The following DENND1C variants were observed in gnomAD, a reference collection of about 807,000 sequenced individuals.
The protein encoded by DENND1C is DENN domain containing 1C, also known as DENN domain-containing protein 1C.
Under a neutral mutation model 87.9 loss-of-function variants are expected in DENND1C, and 64 were observed. The ratio of observed to expected loss-of-function variants is 0.73; its 90% CI spans 0.60 to 0.90. The LOEUF is 0.90. Ranked by LOEUF, DENND1C falls within the 40% of genes least tolerant of loss-of-function variation. DENND1C has a pLI of 0.00. For synonymous variants in DENND1C, 384 were observed against 424.4 expected, an observed-to-expected ratio of 0.90 and a Z score of 1.17; for missense variants, 980 against 1,037.0, an observed-to-expected ratio of 0.95 and a Z score of 0.76.
chr19:6,474,213 AAAG>A (rs375154421), intron 14 of DENND1C, among the ~76,000 whole-genome samples: 40 of 145,556 alleles, frequency 2.7e-4, no homozygotes, highest in Admixed American at 1.7e-3. Context: ...AAAAAAAAAA[AAAG>A]AAGAAGAAGA....
chr19:6,474,213 A>AG (rs1272723474), intron 14 of DENND1C, among the ~76,000 whole-genome samples: 10,396 of 145,280 alleles, frequency 0.072, 523 homozygotes, highest in Non-Finnish European at 0.11. Flanking sequence ...AAAAAAAAAA[A>AG]AAGAAGAAGA....
rs779845939 is a variant in DENND1C, at chr19:6,468,614, T to C, written c.1547A>G (p.Gln516Arg). The C allele has an allele frequency of 2.7e-6, 4 of 1,506,614 alleles. No individual in the cohort carries two copies. Among genetic ancestry groups the C allele is most frequent in the East Asian group, 2.4e-5 (1 of 42,028 alleles). The allele number at this position is 1,506,614 out of a possible 1,614,324, so 93.3% of individuals were successfully genotyped here. ...GGGCTCGGAAGTTCCCTCTTCCAGCTGGCGTCTCCTGCTGGGGCGAAGGGG... is the reference window on the plus strand; with the variant it reads ...GGGCTCGGAAGTTCCCTCTTCCAGCCGGCGTCTCCTGCTGGGGCGAAGGGG... ...NRPLRPSRRR[Q>R]LEEGTSEPPG... Residue 516 changes from glutamine to arginine, a missense_variant, in exon 21 of 23, where the codon CAG becomes CGG. Coordinates refer to ENST00000381480, the MANE Select transcript of DENND1C (RefSeq NM_024898.4).
rs77801271 is a variant in DENND1C, at chr19:6,470,276, C to G, written c.1362+19G>C. On this transcript the variant is annotated intron_variant, in intron 18 of 22. Coordinates refer to ENST00000381480, the MANE Select transcript of DENND1C (RefSeq NM_024898.4). ...CCCTCGTCACCCCAGCAAGAGTGGCCTGTCCAGCTCAGCCTCACCGAGCGG... is the reference window on the plus strand; with the variant it reads ...CCCTCGTCACCCCAGCAAGAGTGGCGTGTCCAGCTCAGCCTCACCGAGCGG... 4.4e-6 allele frequency: 7 copies of G among 1,598,386 alleles called. No homozygotes were observed. In the South Asian group the frequency reaches 6.8e-5, roughly 16 times the overall value.
At chr19:6,477,744 C>T (rs1485713067) in intron 6 of DENND1C, among the ~76,000 whole-genome samples, 1 of 146,750 alleles carries the variant, frequency 6.8e-6, no homozygotes, top group Non-Finnish European at 1.5e-5. Context: ...CCACCGCGCC[C>T]GGCTTTTTAA....
Position 6,468,214 on chromosome 19 carries a change from G to A in DENND1C, c.1791+20C>T, listed in dbSNP as rs1305707443. 2 of 1,613,022 alleles carry A rather than the reference G, an allele frequency of 1.2e-6. No homozygotes were observed. Among genetic ancestry groups the A allele is most frequent in the Admixed American group, 1.7e-5 (1 of 59,814 alleles). On this transcript the variant is annotated intron_variant, in intron 22 of 22. Coordinates refer to ENST00000381480, the MANE Select transcript of DENND1C (RefSeq NM_024898.4). ...GGGGAAGACTTGGGGTAGGGTTGGGGGAGTGGGCGAGGCTCTCACCAGGCT... is the reference window on the plus strand; with the variant it reads ...GGGGAAGACTTGGGGTAGGGTTGGGAGAGTGGGCGAGGCTCTCACCAGGCT...
At chr19:6,472,746 G>T in intron 15 of DENND1C, 143 bp downstream of exon 15, 1 of 572,760 alleles carries the variant, frequency 1.7e-6, no homozygotes, top group Non-Finnish European at 2.6e-6. Context: ...GGGAACCCTG[G>T]AGTAGGGGAT....
At chr19:6,472,754 G>T in intron 15 of DENND1C, 135 bp downstream of exon 15, 1 of 606,842 alleles carries the variant, frequency 1.6e-6, no homozygotes, top group Non-Finnish European at 2.4e-6. Context: ...TGGAGTAGGG[G>T]ATCCTGCTGG....
At position 6,467,747 on chromosome 19, in the gene DENND1C, G is replaced by A. The variant is rs781166176; in HGVS notation, c.2163C>T (p.Pro721=). The A allele has an allele frequency of 2.6e-6, 4 of 1,521,098 alleles. No individual in the cohort carries two copies. Among genetic ancestry groups the A allele is most frequent in the Non-Finnish European group, 3.5e-6 (4 of 1,137,384 alleles). 94.2% of individuals were successfully genotyped at this position (1,521,098 alleles called of 1,614,324 possible). The change falls in exon 23 of 23, where the codon CCC becomes CCT. Residue 721 remains proline, a synonymous_variant. Transcript: ENST00000381480. ...SPPESPQILA[P]TKPNFDIAWT... ...AGGCTATATCAAAGTTGGGCTTTGT[G>A]GGGGCCAGAATTTGGGGGCTTTCTG...
Position 6,467,698 on chromosome 19 carries a change from A to C in DENND1C, c.2212T>G (p.Ser738Ala). The change falls in exon 23 of 23, where the codon TCC becomes GCC. Residue 738 changes from serine to alanine, a missense_variant. Coordinates refer to ENST00000381480, the MANE Select transcript of DENND1C (RefSeq NM_024898.4). ...TCCTCCAGAGAACTGGGGTCTGAGG[A>C]AGGATCAAGGGGCTGGGACGTCCAG... ...IAWTSQPLDP[S>A]SDPSSLEDPR... is the part of the protein sequence containing the mutation. 1 of 1,518,496 alleles carries C rather than the reference A, an allele frequency of 6.6e-7. No individual in the cohort carries two copies. Among genetic ancestry groups the C allele is most frequent in the South Asian group, 1.3e-5 (1 of 75,010 alleles). 94.1% of individuals were successfully genotyped at this position (1,518,496 alleles called of 1,614,324 possible).
In DENND1C at chr19:6,468,649, C is replaced by T; in HGVS notation, c.1516-4G>A. The T allele has an allele frequency of 2.0e-6, 3 of 1,479,590 alleles. No homozygotes were observed. The highest frequency in any genetic ancestry group is 2.7e-6 in the Non-Finnish European group (3 of 1,116,840). 91.7% of individuals were successfully genotyped at this position (1,479,590 alleles called of 1,614,324 possible). ...TGCTGGGGCGAAGGGGCCGGTTCTG[C>T]AAAGGGTGGGGGCGATAGGACCTCA... On this transcript the variant is annotated splice_polypyrimidine_tract_variant and splice_region_variant and intron_variant, in intron 20 of 22. Coordinates refer to ENST00000381480, the MANE Select transcript of DENND1C (RefSeq NM_024898.4).
intron 15 of DENND1C, among the ~76,000 whole-genome samples, chr19:6,471,817 A>G: frequency 1.3e-5 from 2 of 151,892 alleles, no homozygotes; most frequent in Non-Finnish European, 2.9e-5. Context: ...TAACTTTTAT[A>G]TTGTTTGTAG....
intron 6 of DENND1C, 178 bp from the exon 7 acceptor site, chr19:6,477,636 A>C: frequency 4.6e-6 from 1 of 219,722 alleles, no homozygotes; most frequent in Non-Finnish European, 8.6e-6. Context: ...AATAATAGAG[A>C]CAAAGTCTCC....
At chr19:6,470,242 GT>G in intron 18 of DENND1C, 52 bp downstream of exon 18, 1 of 1,553,144 alleles carries the variant, frequency 6.4e-7, no homozygotes, top group East Asian at 2.4e-5. Context: ...AGTGTCCTCT[GT>G]CCCCTCCCCC....
At position 6,468,580 on chromosome 19, in the gene DENND1C, C is replaced by T. The variant is rs150554676; in HGVS notation, c.1581G>A (p.Ala527=). 2.1e-3 allele frequency: 3,290 copies of T among 1,537,384 alleles called. 7 individuals are homozygous for T. Among genetic ancestry groups the T allele is most frequent in the Admixed American group, 2.9e-3 (138 of 48,226 alleles). The change falls in exon 21 of 23, where the codon GCG becomes GCA. Residue 527 remains alanine (A), a splice_region_variant and synonymous_variant. Coordinates refer to ENST00000381480, the MANE Select transcript of DENND1C (RefSeq NM_024898.4). ...CTGCTGTTCCCTTTTTGCCTTACCCCGCCCCTGGGGGCTCGGAAGTTCCCT... is the reference window on the plus strand; with the variant it reads ...CTGCTGTTCCCTTTTTGCCTTACCCTGCCCCTGGGGGCTCGGAAGTTCCCT... The part of the protein sequence containing the change: ...LEEGTSEPPG[A]GTPPLSPEDE...
intron 17 of DENND1C, 105 bp from the exon 18 acceptor site, chr19:6,470,471 A>G (rs2145179680): frequency 2.7e-6 from 3 of 1,121,036 alleles, no homozygotes; most frequent in Non-Finnish European, 1.3e-6. Flanking sequence ...CTGAGTCTCC[A>G]TTTTTTCACC....
chr19:6,468,480 C>A (rs1250396480), intron 21 of DENND1C, 39 bp from the exon 22 acceptor site: 1 of 1,587,710 alleles, frequency 6.3e-7, no homozygotes, highest in African/African-American at 1.4e-5. Flanking sequence ...TTGCCCAAGA[C>A]CCCCAGCCCT....
At chr19:6,479,787 C>T in intron 3 of DENND1C, 69 bp from the exon 4 acceptor site, 1 of 1,613,862 alleles carries the variant, frequency 6.2e-7, no homozygotes, top group Non-Finnish European at 8.5e-7. Context: ...GGCTCCAGGT[C>T]CAAGAAACCA....
intron 15 of DENND1C, among the ~76,000 whole-genome samples, chr19:6,472,624 C>T (rs564978894): frequency 1.3e-5 from 2 of 152,244 alleles, no homozygotes; most frequent in African/African-American, 2.4e-5. Flanking sequence ...CTCCTGAACT[C>T]GTGATCCGCC....
chr19:6,477,799 C>T (rs758585993), intron 6 of DENND1C, among the ~76,000 whole-genome samples: 1 of 148,392 alleles, frequency 6.7e-6, no homozygotes, highest in East Asian at 2.1e-4. Context: ...CGCGGTGGCT[C>T]GCGCCTGTAA....
Sources: allele counts gnomAD v4.1 joint callset (sites outside exome capture counted in the v4.1 genomes callset), GRCh38; gene constraint gnomAD v4.1.1; transcripts MANE v1.5; gene names NCBI Gene and HGNC (gene_info 2026-07-23, HGNC 2026-07-21).